Variants in SMC5 observed in about 807,000 individuals in gnomAD.
The protein encoded by SMC5 is structural maintenance of chromosomes protein 5.
In SMC5, 88 loss-of-function variants were observed where a neutral mutation model predicts 148.3. The ratio of observed to expected loss-of-function variants is 0.59; its 90% CI spans 0.50 to 0.71. SMC5 has a LOEUF of 0.71. Among genes scored for constraint, SMC5 ranks in the 30% least tolerant of loss-of-function variants. The probability of loss-of-function intolerance (pLI) is 0.00; values close to 1 mark genes in which losing one functional copy is unlikely to be tolerated. For synonymous variants in SMC5, 421 were observed against 432.8 expected, an observed-to-expected ratio of 0.97 and a Z score of 0.34; for missense variants, 1,142 against 1,298.9, an observed-to-expected ratio of 0.88 and a Z score of 1.86.
chr9:70,319,645 A>C (rs1283209761), intron 15 of SMC5, among the ~76,000 whole-genome samples: 1 of 152,236 alleles, frequency 6.6e-6, no homozygotes, highest in African/African-American at 2.4e-5. Flanking sequence ...GTAGTTTATT[A>C]AAGTTTAATT....
At chr9:70,311,063 T>C (rs1265045206) in intron 11 of SMC5, 1 of 152,242 alleles carries the variant, frequency 6.6e-6, no homozygotes, top group Non-Finnish European at 1.5e-5. Context: ...TGCTTTCTTA[T>C]TTGTGTGTAC....
intron 10 of SMC5, among the ~76,000 whole-genome samples, chr9:70,300,741 T>C (rs542497703): frequency 1.3e-5 from 2 of 152,140 alleles, no homozygotes; most frequent in Non-Finnish European, 2.9e-5. Flanking sequence ...TCTAGTGAAG[T>C]GTGGCCATGG....
intron 5 of SMC5, 75 bp from the exon 6 acceptor site, chr9:70,280,684 T>C: frequency 7.1e-7 from 1 of 1,417,918 alleles, no homozygotes; most frequent in Non-Finnish European, 9.6e-7. Flanking sequence ...CCATCGTTTA[T>C]TTTTCATTGT....
At chr9:70,327,513 A>G (rs2036111222) in intron 17 of SMC5, among the ~76,000 whole-genome samples, 1 of 152,200 alleles carries the variant, frequency 6.6e-6, no homozygotes, top group Admixed American at 6.5e-5. Context: ...CAAGTTTATA[A>G]TGATGCTGAA....
chr9:70,352,333 A>G lies in SMC5; in HGVS notation c.*2A>G, dbSNP rs777046420. ...ATTACATTCACTCAACCTTCTTAATAAAAGTAAAGAGAGGGAACTTGGGAA... is the reference window on the plus strand; with the variant it reads ...ATTACATTCACTCAACCTTCTTAATGAAAGTAAAGAGAGGGAACTTGGGAA... On this transcript the variant is annotated 3_prime_UTR_variant, in exon 25 of 25. Transcript: ENST00000361138. The G allele has an allele frequency of 3.2e-6, 5 of 1,583,858 alleles. No homozygotes were observed. Among genetic ancestry groups the G allele is most frequent in the South Asian group, 1.2e-5 (1 of 85,290 alleles).
intron 24 of SMC5, among the ~76,000 whole-genome samples, chr9:70,351,846 C>A (rs369307461): frequency 1.3e-5 from 2 of 152,156 alleles, no homozygotes; most frequent in South Asian, 2.1e-4. Context: ...GAAGCCAAGG[C>A]GGGCAGATCA....
chr9:70,305,061 A>G (rs2035460434), intron 10 of SMC5, among the ~76,000 whole-genome samples, 186 bp from the exon 11 acceptor site: 1 of 152,162 alleles, frequency 6.6e-6, no homozygotes, highest in African/African-American at 2.4e-5. Flanking sequence ...TTAACCATGT[A>G]CTGTATTGAT....
chr9:70,327,966 A>G (rs113381058), intron 17 of SMC5, among the ~76,000 whole-genome samples: 21 of 152,138 alleles, frequency 1.4e-4, no homozygotes, highest in African/African-American at 4.8e-4. Flanking sequence ...ATGTCTTACC[A>G]TGGCAGAGTA....
At chr9:70,311,717 T>G (rs1445265936) in intron 11 of SMC5, 3 of 149,196 alleles carry the variant, frequency 2.0e-5, no homozygotes, top group African/African-American at 2.5e-5. Flanking sequence ...AAAAAAAAAA[T>G]GTTTTTTAAT....
chr9:70,349,819 G>A (rs1312810699), intron 22 of SMC5, among the ~76,000 whole-genome samples: 1 of 152,010 alleles, frequency 6.6e-6, no homozygotes, highest in African/African-American at 2.4e-5. Context: ...AAAACTCTTG[G>A]GGAAGCCTAC....
intron 1 of SMC5, among the ~76,000 whole-genome samples, chr9:70,259,903 C>G (rs911450640): frequency 6.6e-6 from 1 of 151,662 alleles, no homozygotes; most frequent in Admixed American, 6.6e-5. Context: ...TTGCCTAGCA[C>G]CTTCCAGTTC....
chr9:70,332,460 G>T (rs1037559479), intron 17 of SMC5, among the ~76,000 whole-genome samples: 10 of 148,918 alleles, frequency 6.7e-5, no homozygotes, highest in Admixed American at 4.1e-4. Flanking sequence ...GGAGGTCAAG[G>T]CCACACTAAG....
At chr9:70,278,711 C>G in intron 5 of SMC5, 86 bp downstream of exon 5, 3 of 1,317,650 alleles carry the variant, frequency 2.3e-6, no homozygotes, top group South Asian at 3.2e-5. Context: ...AGTATTGATT[C>G]ATTGAGTGAA....
At chr9:70,349,399 T>G (rs1190324523) in intron 22 of SMC5, among the ~76,000 whole-genome samples, 3 of 152,102 alleles carry the variant, frequency 2.0e-5, no homozygotes, top group African/African-American at 4.8e-5. Flanking sequence ...ATTTTTAAGG[T>G]AAATCTGAAC....
chr9:70,285,694 A>C (rs151320085), intron 7 of SMC5, among the ~76,000 whole-genome samples: 1 of 152,336 alleles, frequency 6.6e-6, no homozygotes, highest in East Asian at 1.9e-4. Context: ...CTATGTTTGA[A>C]TTACATATTA....
At chr9:70,285,031 C>T (rs1453128648) in intron 7 of SMC5, among the ~76,000 whole-genome samples, 1 of 152,024 alleles carries the variant, frequency 6.6e-6, no homozygotes, top group Non-Finnish European at 1.5e-5. Flanking sequence ...TTTTAGTCTC[C>T]TCAGTCAGGT....
At chr9:70,270,456 G>C (rs1278212671) in intron 3 of SMC5, among the ~76,000 whole-genome samples, 1 of 152,010 alleles carries the variant, frequency 6.6e-6, no homozygotes, top group Non-Finnish European at 1.5e-5. Context: ...CCTTCCCAGA[G>C]GATGGGGAGT....
At chr9:70,344,474 C>T (rs1176124307) in intron 18 of SMC5, 1 of 222,426 alleles carries the variant, frequency 4.5e-6, no homozygotes, top group Admixed American at 5.8e-5. Flanking sequence ...AACATTTATT[C>T]TTCCAATACA....
intron 17 of SMC5, among the ~76,000 whole-genome samples, chr9:70,336,256 G>A (rs2036353957): frequency 6.6e-6 from 1 of 152,202 alleles, no homozygotes; most frequent in South Asian, 2.1e-4. Flanking sequence ...TCAGAGTAAA[G>A]TAGCAGCTTT....
Sources: gnomAD v4.1 joint callset for allele counts (sites outside exome capture counted in the v4.1 genomes callset) on GRCh38, gnomAD v4.1.1 for gene constraint, MANE v1.5 for transcripts, NCBI Gene and HGNC (gene_info 2026-07-23, HGNC 2026-07-21) for gene names.